LRRC45: variants seen among roughly 807,000 people sequenced by gnomAD.
LRRC45 encodes the protein leucine rich repeat containing 45, also known as leucine-rich repeat-containing protein 45.
Under a neutral mutation model 85.4 loss-of-function variants are expected in LRRC45, and 73 were observed. The ratio of observed to expected loss-of-function variants is 0.85; its 90% CI spans 0.71 to 1.04. LRRC45 has a LOEUF of 1.04. LRRC45 is among the 50% of genes least tolerant of loss of function. The pLI is 0.00. For synonymous variants in LRRC45, 429 were observed against 386.0 expected (o/e 1.11, Z -1.31); for missense variants, 937 against 883.3 (o/e 1.06, Z -0.77).
At chr17:82,027,088 C>G (rs2043374425) in intron 6 of LRRC45, 77 bp downstream of exon 6, 1 of 1,268,234 alleles carries the variant, frequency 7.9e-7, no homozygotes, top group East Asian at 2.5e-5. Flanking sequence ...CCCTCAGCCC[C>G]GTGGTCTGCC....
chr17:82,027,389 C>G lies in LRRC45; in HGVS notation c.778C>G (p.Leu260Val). ...CTGCGGCTGTCTCTGTCCCCAGTTC[C>G]TCGACTTGATGGAGACTATTGATAA... ...HLREEKSKQF[L>V]DLMETIDKQR... Residue 260 changes from leucine (L) to valine (V), a missense_variant, in exon 7 of 17, where the codon CTC becomes GTC. Physicochemically the swap from Leu to Val is conservative, Grantham distance 32. Coordinates refer to ENST00000306688, the MANE Select transcript of LRRC45 (RefSeq NM_144999.4). The G allele has an allele frequency of 6.2e-7, 1 of 1,612,632 alleles. No individual in the cohort carries two copies. Among genetic ancestry groups the G allele is most frequent in the African/African-American group, 1.3e-5 (1 of 75,064 alleles).
rs1322296660 is a variant in LRRC45, at chr17:82,030,189, T to TGGGCCTGCAAGTTGA, written c.1628_1642dup (p.Gln543_Leu547dup). 2.6e-6 allele frequency: 4 copies of TGGGCCTGCAAGTTGA among 1,542,638 alleles called. No homozygotes were observed. The South Asian group carries it at 3.6e-5, about 14-fold the overall frequency. On this transcript the variant is annotated inframe_insertion, in exon 15 of 17. Coordinates refer to ENST00000306688, the MANE Select transcript of LRRC45 (RefSeq NM_144999.4). Reference sequence around the variant, plus strand: ...GAGGCCCAGACCCGGGTCAGCCAGCTGGGCCTGCAAGTTGAGGGCCTGCGG... The same window carrying TGGGCCTGCAAGTTGA: ...GAGGCCCAGACCCGGGTCAGCCAGCTGGGCCTGCAAGTTGAGGGCCTGCAAGTTGAGGGCCTGCGG...
Position 82,025,036 on chromosome 17 carries a change from CGAT to C in LRRC45, c.392_394del (p.Asp131del), listed in dbSNP as rs1356355153. 10 of 1,603,126 alleles carry C rather than the reference CGAT, an allele frequency of 6.2e-6. No homozygotes were observed. Reference sequence around the variant, plus strand: ...AGTGGAACAGCCTGGGCACGTGGGACGATGCCTTCGCCACCTTCTGCGGGGGCC... The same window carrying C: ...AGTGGAACAGCCTGGGCACGTGGGACGCCTTCGCCACCTTCTGCGGGGGCC... On this transcript the variant is annotated inframe_deletion, in exon 4 of 17. Coordinates refer to ENST00000306688, the MANE Select transcript of LRRC45 (RefSeq NM_144999.4).
At position 82,030,213 on chromosome 17, in the gene LRRC45, G is replaced by C; in HGVS notation, c.1643G>C (p.Arg548Pro). 4.6e-6 allele frequency: 7 copies of C among 1,537,290 alleles called. No homozygotes were observed. Among genetic ancestry groups the C allele is most frequent in the Non-Finnish European group, 5.3e-6 (6 of 1,138,874 alleles). Residue 548 changes from arginine to proline, a missense_variant, in exon 15 of 17, where the codon CGG (arginine) becomes CCG (proline). Physicochemically the swap from Arg to Pro is moderately radical, Grantham distance 103. Coordinates refer to ENST00000306688, the MANE Select transcript of LRRC45 (RefSeq NM_144999.4). ...SQLGLQVEGLRRRLEELQQEL... is the reference protein window; with the variant it reads ...SQLGLQVEGLPRRLEELQQEL... ...CTGGGCCTGCAAGTTGAGGGCCTGC[G>C]GCGGCGCCTGGAAGAGCTGCAGCAG...
In LRRC45 at chr17:82,024,335, T is replaced by C. The variant is rs1414968145; in HGVS notation, c.278T>C (p.Leu93Ser). 4 of 1,612,164 alleles carry C rather than the reference T, an allele frequency of 2.5e-6. No individual in the cohort carries two copies. The highest frequency in any genetic ancestry group is 2.7e-5 in the African/African-American group (2 of 74,876). Residue 93 changes from leucine to serine, a missense_variant, in exon 2 of 17, where the codon TTA becomes TCA. Coordinates refer to ENST00000306688, the MANE Select transcript of LRRC45 (RefSeq NM_144999.4). ...AACACCGTGCTGCGCTTTCTGGACT[T>C]AAAGGTGAGATACCTGCACTCTTGA... is the stretch of plus-strand genomic sequence containing the variant. Reference protein sequence around the residue: ...CANTVLRFLDLKGNNLRAAGA... With the variant: ...CANTVLRFLDSKGNNLRAAGA...
rs11656453 is a variant in LRRC45 at position 82,023,330 on chromosome 17, A to G, written c.-314A>G. ...GTTCTTCCTGGATACTGAGGCCCCG[A>G]CGCGGCTGTCGCGAGGGCGGGGGTC... On this transcript the variant is annotated 5_prime_UTR_variant, in exon 1 of 17. Transcript: ENST00000306688. The G allele has an allele frequency of 0.081, 34,622 of 427,744 alleles. 1,784 individuals carry two copies. Among genetic ancestry groups the G allele is most frequent in the Non-Finnish European group, 0.11 (26,578 of 241,208 alleles). The allele number at this position is 427,744 out of a possible 1,614,324, so 26.5% of individuals were successfully genotyped here.
At position 82,030,310 on chromosome 17, in the gene LRRC45, G is replaced by A; in HGVS notation, c.1669-9G>A. The A allele has an allele frequency of 6.5e-7, 1 of 1,547,926 alleles. No homozygotes were observed. Among genetic ancestry groups the A allele is most frequent in the Non-Finnish European group, 8.7e-7 (1 of 1,145,362 alleles). ...CCTCGCCTCACTCCCCAGCCTTCGT[G>A]CCTGGCAGGAGCTGAGCCTCAAGGA... On this transcript the variant is annotated splice_polypyrimidine_tract_variant and intron_variant, in intron 15 of 16. Transcript: ENST00000306688.
Position 82,029,136 on chromosome 17 carries a change from T to C in LRRC45, c.1352T>C (p.Met451Thr). Reference sequence around the variant, plus strand: ...CACCTGGAGGAGAGTGAGAAGGCCATGCAGGAGCGGGTGCAGAGGCTGGAG... The same window carrying C: ...CACCTGGAGGAGAGTGAGAAGGCCACGCAGGAGCGGGTGCAGAGGCTGGAG... The part of the protein sequence containing the change: ...TRHLEESEKA[M>T]QERVQRLEAA... The change falls in exon 13 of 17, where the codon ATG becomes ACG. Residue 451 changes from methionine (M) to threonine (T), a missense_variant. Met to Thr is a moderately conservative substitution (Grantham distance 81, BLOSUM62 -1). Transcript: ENST00000306688. The C allele has an allele frequency of 6.2e-7, 1 of 1,612,656 alleles. No homozygotes were observed. The highest frequency in any genetic ancestry group is 8.5e-7 in the Non-Finnish European group (1 of 1,179,926).
chr17:82,023,562 C>A lies in LRRC45; in HGVS notation c.-82C>A. 1 of 1,276,594 alleles carries A rather than the reference C, an allele frequency of 7.8e-7. No individual in the cohort carries two copies. The highest frequency in any genetic ancestry group is 1.0e-6 in the Non-Finnish European group (1 of 956,686). The allele number at this position is 1,276,594 out of a possible 1,614,324, so 79.1% of individuals were successfully genotyped here. ...CGGAGGCCCCGTCTCCTGTACCCGG[C>A]GCTGGGACTGCTCCGCACCGCGCGG... On this transcript the variant is annotated 5_prime_UTR_variant, in exon 1 of 17. Coordinates refer to ENST00000306688, the MANE Select transcript of LRRC45 (RefSeq NM_144999.4).
chr17:82,030,100 A>G lies in LRRC45; in HGVS notation c.1530A>G (p.Arg510=). ...QRLAHLEDKL[R]LLAQARDEAQ... is the part of the protein sequence containing the mutation. ...TGGCTCACCTGGAGGACAAGCTGAG[A>G]CTGCTGGCGCAGGCACGGGACGAGG... The change falls in exon 15 of 17, where the codon AGA becomes AGG. Residue 510 remains arginine (R), a synonymous_variant. Coordinates refer to ENST00000306688, the MANE Select transcript of LRRC45 (RefSeq NM_144999.4). 6.5e-7 allele frequency: 1 copy of G among 1,546,912 alleles called. No homozygotes were observed. Among genetic ancestry groups the G allele is most frequent in the East Asian group, 2.4e-5 (1 of 41,018 alleles).
chr17:82,025,266 G>T, intron 4 of LRRC45, 88 bp downstream of exon 4: 2 of 1,527,134 alleles, frequency 1.3e-6, no homozygotes, highest in Admixed American at 4.0e-5. Flanking sequence ...ACTGGCCTGT[G>T]CTCCTGCTCT....
At chr17:82,027,772 G>A (rs568465112) in intron 8 of LRRC45, 21 bp downstream of exon 8, 2 of 1,607,074 alleles carry the variant, frequency 1.2e-6, no homozygotes, top group South Asian at 2.2e-5. Context: ...GGTGGCCTCA[G>A]GATACTTCAG....
intron 8 of LRRC45, 103 bp from the exon 9 acceptor site, chr17:82,027,908 G>A (rs1010293695): frequency 1.6e-5 from 25 of 1,524,764 alleles, no homozygotes; most frequent in Middle Eastern, 1.8e-4. Flanking sequence ...GGCGGGTGCT[G>A]GCTGGGGTTG....
In LRRC45 at chr17:82,029,193, C is replaced by A. The variant is rs1443351667; in HGVS notation, c.1401+8C>A. The A allele has an allele frequency of 6.2e-7, 1 of 1,607,748 alleles. No individual in the cohort carries two copies. The highest frequency in any genetic ancestry group is 1.1e-5 in the South Asian group (1 of 90,080). ...CGGCTGTCCCTGGAGGAGGTGAGTG[C>A]CCACCAGGCAGGGCCAAGCTCTGCC... On this transcript the variant is annotated splice_region_variant and intron_variant, in intron 13 of 16. Coordinates refer to ENST00000306688, the MANE Select transcript of LRRC45 (RefSeq NM_144999.4).
chr17:82,026,606 G>C (rs1276011086), intron 5 of LRRC45, among the ~76,000 whole-genome samples: 4 of 151,298 alleles, frequency 2.6e-5, no homozygotes, highest in South Asian at 2.1e-4. Context: ...GTGTGACTGA[G>C]TTTCACTCAG....
Position 82,024,327 on chromosome 17 carries a change from T to C in LRRC45, c.270T>C (p.Phe90=), listed in dbSNP as rs1417019330. 6.2e-7 allele frequency: 1 copy of C among 1,612,462 alleles called. No homozygotes were observed. The highest frequency in any genetic ancestry group is 8.5e-7 in the Non-Finnish European group (1 of 1,179,934). ...TGTGTGCCAACACCGTGCTGCGCTT[T>C]CTGGACTTAAAGGTGAGATACCTGC... is the stretch of plus-strand genomic sequence containing the variant. ...RGLCANTVLR[F]LDLKGNNLRA... Residue 90 remains phenylalanine, a synonymous_variant, in exon 2 of 17, where the codon TTT becomes TTC. Transcript: ENST00000306688.
intron 1 of LRRC45, 58 bp from the exon 2 acceptor site, chr17:82,024,220 C>A: frequency 1.3e-6 from 2 of 1,583,912 alleles, no homozygotes; most frequent in South Asian, 1.1e-5. Flanking sequence ...AAGGGGCCCA[C>A]GGGGAGGGCC....
At chr17:82,026,831 C>T (rs1295779833) in intron 5 of LRRC45, 68 bp from the exon 6 acceptor site, 57 of 1,322,782 alleles carry the variant, frequency 4.3e-5, no homozygotes, top group South Asian at 8.7e-5. Flanking sequence ...CCACCCACCT[C>T]GACCTCCCAA....
chr17:82,029,937 C>A, intron 14 of LRRC45, 128 bp from the exon 15 acceptor site: 1 of 1,207,932 alleles, frequency 8.3e-7, no homozygotes, highest in Non-Finnish European at 1.1e-6. Context: ...GCCAGGGGAG[C>A]GGGTTCAGAG....
Sources: gnomAD v4.1 joint callset for allele counts (sites outside exome capture counted in the v4.1 genomes callset) on GRCh38, gnomAD v4.1.1 for gene constraint, MANE v1.5 for transcripts, NCBI Gene and HGNC (gene_info 2026-07-23, HGNC 2026-07-21) for gene names.